UPRT: variants seen among roughly 807,000 people sequenced by gnomAD.
The protein encoded by UPRT is uracil phosphoribosyltransferase homolog.
Under a neutral mutation model 22.6 loss-of-function variants are expected in UPRT, and 5 were observed. The ratio of observed to expected loss-of-function variants is 0.22; its 90% CI spans 0.12 to 0.47. UPRT has a LOEUF of 0.47. Among genes scored for constraint, UPRT ranks in the 20% least tolerant of loss-of-function variants. The pLI is 0.99. For missense variants in UPRT, 181 were observed against 239.9 expected (o/e 0.75, Z 1.62); for synonymous variants, 77 against 87.7 (o/e 0.88, Z 0.68).
chrX:75,234,104 A>T (rs753167457), intron 4 of UPRT, among the ~76,000 whole-genome samples: 15 of 110,472 alleles, frequency 1.4e-4, no homozygotes, highest in African/African-American at 4.9e-4. Flanking sequence ...TACCAAGCAA[A>T]TGGAAAACAA....
chrX:75,262,293 A>G (rs1387572748), intron 4 of UPRT, among the ~76,000 whole-genome samples: 1 of 111,836 alleles, frequency 8.9e-6, no homozygotes, highest in Non-Finnish European at 1.9e-5. Flanking sequence ...AGCACTAAAC[A>G]TGGAAAGAAC....
At chrX:75,206,687 T>C (rs1278411664) in intron 4 of UPRT, among the ~76,000 whole-genome samples, 1 of 110,304 alleles carries the variant, frequency 9.1e-6, no homozygotes, top group Non-Finnish European at 1.9e-5. Context: ...TTTTTTGAGA[T>C]GGAGTCTTGC....
chrX:75,234,615 A>G (rs1200511766), intron 4 of UPRT, among the ~76,000 whole-genome samples: 2 of 111,979 alleles, frequency 1.8e-5, no homozygotes, highest in African/African-American at 6.5e-5. Flanking sequence ...TCAAACTGGA[A>G]CTCAGGATTA....
At chrX:75,266,576 C>G (rs1426347023) in intron 4 of UPRT, among the ~76,000 whole-genome samples, 2 of 111,412 alleles carry the variant, frequency 1.8e-5, no homozygotes, top group Admixed American at 1.9e-4. Context: ...TAATAAAAGA[C>G]AAAATTGACA....
At chrX:75,227,052 G>A (rs943820665) in intron 4 of UPRT, among the ~76,000 whole-genome samples, 1 of 110,932 alleles carries the variant, frequency 9.0e-6, no homozygotes, top group Non-Finnish European at 1.9e-5. Context: ...GCATGTATGT[G>A]AGCTTAGGTG....
intron 4 of UPRT, among the ~76,000 whole-genome samples, chrX:75,237,402 G>T (rs2082470663): frequency 8.9e-6 from 1 of 111,745 alleles, no homozygotes; most frequent in Non-Finnish European, 1.9e-5. Context: ...GATTCCTCAT[G>T]GATCTAGAAC....
chrX:75,239,063 A>G (rs1867019379), intron 4 of UPRT, among the ~76,000 whole-genome samples: 1 of 111,469 alleles, frequency 9.0e-6, no homozygotes, highest in Middle Eastern at 4.2e-3. Context: ...CTAGAGAAAC[A>G]AGAACAAATC....
At chrX:75,208,612 T>C (rs1031980034) in intron 4 of UPRT, among the ~76,000 whole-genome samples, 5 of 111,826 alleles carry the variant, frequency 4.5e-5, no homozygotes, top group Non-Finnish European at 9.4e-5. Context: ...CACCACCACC[T>C]GGTTTACAAC....
chrX:75,240,228 G>A (rs963266236), intron 4 of UPRT, among the ~76,000 whole-genome samples: 2 of 110,748 alleles, frequency 1.8e-5, no homozygotes, highest in Admixed American at 9.7e-5. Context: ...TCAGAGACCC[G>A]ATAACTGAAT....
intron 4 of UPRT, among the ~76,000 whole-genome samples, chrX:75,215,121 T>G (rs1006956327): frequency 9.8e-5 from 11 of 111,775 alleles, no homozygotes; most frequent in Middle Eastern, 9.3e-3. Context: ...AGATATCTTT[T>G]TTTTAGAAGA....
chrX:75,252,640 C>G lies in UPRT; in HGVS notation c.-446-38384C>G, dbSNP rs758304771. Among the ~76,000 whole-genome samples the G allele has an allele frequency of 3.6e-5, 4 of 111,739 alleles. No homozygotes were observed. The Admixed American group carries it at 3.8e-4, about 11-fold the overall frequency. ...ATTGTGGAAGTCAGTGTGGCGATTC[C>G]ACTAGGATCTAGAACTAGAAATACC... On this transcript the variant is annotated intron_variant, in intron 4 of 13. Transcript: ENST00000652605.
chrX:75,233,834 C>T (rs1414364942), intron 4 of UPRT, among the ~76,000 whole-genome samples: 1 of 110,271 alleles, frequency 9.1e-6, no homozygotes, highest in Admixed American at 9.7e-5. Flanking sequence ...CAAAATCATG[C>T]CAAAATGTAA....
chrX:75,196,072 C>T (rs750818782), intron 4 of UPRT, among the ~76,000 whole-genome samples: 1 of 112,443 alleles, frequency 8.9e-6, no homozygotes, highest in East Asian at 2.8e-4. Context: ...TTTTGATAAG[C>T]ACTGTATTAA....
intron 4 of UPRT, among the ~76,000 whole-genome samples, chrX:75,258,593 G>A (rs1487265179): frequency 2.7e-5 from 3 of 111,975 alleles, no homozygotes; most frequent in Non-Finnish European, 3.8e-5. Context: ...TCTGGGAAGG[G>A]CATCTCTGAA....
At chrX:75,196,993 G>T (rs1218777577) in intron 4 of UPRT, among the ~76,000 whole-genome samples, 3 of 111,446 alleles carry the variant, frequency 2.7e-5, no homozygotes, top group Non-Finnish European at 5.6e-5. Context: ...GGGATGTTAG[G>T]GGATGAGAGA....
intron 4 of UPRT, among the ~76,000 whole-genome samples, chrX:75,216,261 C>A (rs2082392521): frequency 8.9e-6 from 1 of 112,027 alleles, no homozygotes; most frequent in African/African-American, 3.2e-5. Context: ...GAAGAAAAAT[C>A]ACATAATCAT....
At chrX:75,167,194 T>C (rs1312825102) in intron 3 of UPRT, among the ~76,000 whole-genome samples, 1 of 112,234 alleles carries the variant, frequency 8.9e-6, no homozygotes, top group Non-Finnish European at 1.9e-5. Context: ...AATTTGCACT[T>C]TCCCTATGAA....
At chrX:75,225,930 C>G (rs1406772884) in intron 4 of UPRT, among the ~76,000 whole-genome samples, 1 of 111,505 alleles carries the variant, frequency 9.0e-6, no homozygotes, top group Non-Finnish European at 1.9e-5. Flanking sequence ...GTTAACATCT[C>G]CACTCAGATA....
intron 4 of UPRT, among the ~76,000 whole-genome samples, chrX:75,266,337 G>A (rs1347985724): frequency 2.7e-5 from 3 of 111,329 alleles, no homozygotes; most frequent in African/African-American, 9.8e-5. Context: ...CTACCCATGG[G>A]GAAAGGATTC....
Sources: gnomAD v4.1 joint callset for allele counts (sites outside exome capture counted in the v4.1 genomes callset) on GRCh38, gnomAD v4.1.1 for gene constraint, MANE v1.5 for transcripts, NCBI Gene and HGNC (gene_info 2026-07-23, HGNC 2026-07-21) for gene names.